The following ANK2 variants were observed in gnomAD, a reference collection of about 807,000 sequenced individuals.
The protein encoded by ANK2 is ankyrin 2.
In ANK2, 83 loss-of-function variants were observed where a neutral mutation model predicts 360.5. That is an observed-to-expected ratio of 0.23 (90% CI 0.19 to 0.28). The LOEUF is 0.28. Among genes scored for constraint, ANK2 ranks in the 10% least tolerant of loss-of-function variants. The probability of loss-of-function intolerance (pLI) is 1.00; values close to 1 mark genes in which losing one functional copy is unlikely to be tolerated. For synonymous variants in ANK2, 1,740 were observed against 1,759.5 expected (o/e 0.99, Z 0.28); for missense variants, 4,201 against 4,795.7 (o/e 0.88, Z 3.66).
At chr4:113,180,472 T>C (rs1315498534) in intron 2 of ANK2, among the ~76,000 whole-genome samples, 1 of 152,182 alleles carries the variant, frequency 6.6e-6, no homozygotes, top group East Asian at 1.9e-4. Context: ...TTAGCAAAAG[T>C]AGCACTGATT....
intron 2 of ANK2, among the ~76,000 whole-genome samples, chr4:113,004,950 C>T (rs972032409): frequency 1.3e-5 from 2 of 152,106 alleles, no homozygotes; most frequent in Non-Finnish European, 2.9e-5. Context: ...TTTTAATAAG[C>T]CGTAAGAGAA....
chr4:112,801,036 G>T, the ANK2 span, among the ~76,000 whole-genome samples: 2 of 152,018 alleles, frequency 1.3e-5, no homozygotes, highest in East Asian at 3.8e-4. Context: ...CTATGGTAAT[G>T]ACAGAATTAT....
At chr4:112,903,311 T>C (rs1414787023) in intron 1 of ANK2, among the ~76,000 whole-genome samples, 4 of 152,192 alleles carry the variant, frequency 2.6e-5, no homozygotes, top group Non-Finnish European at 5.9e-5. Flanking sequence ...AGAGGGATCA[T>C]CTTGGAGAGT....
At chr4:112,890,370 G>C (rs2150634362) in intron 1 of ANK2, among the ~76,000 whole-genome samples, 1 of 152,240 alleles carries the variant, frequency 6.6e-6, no homozygotes, top group Admixed American at 6.5e-5. Flanking sequence ...TCAAGAGCAT[G>C]GTGTGGTTCT....
intron 1 of ANK2, chr4:113,149,116 A>T (rs1698647029): frequency 6.6e-6 from 1 of 152,246 alleles, no homozygotes; most frequent in African/African-American, 2.4e-5. Context: ...AGCAAGAGAA[A>T]AAGAAGGGAG....
chr4:112,817,030 C>G (rs765850915), upstream of ANK2, among the ~76,000 whole-genome samples: 1 of 152,166 alleles, frequency 6.6e-6, no homozygotes, highest in Admixed American at 6.5e-5. Flanking sequence ...GTGAATTCTC[C>G]TCTCTGCTAG....
chr4:113,071,553 C>G (rs1453158872), intron 1 of ANK2, among the ~76,000 whole-genome samples: 1 of 152,126 alleles, frequency 6.6e-6, no homozygotes, highest in Non-Finnish European at 1.5e-5. Context: ...TTATTCTTTC[C>G]TTGATCAGCT....
chr4:113,046,306 G>A (rs909021038), upstream of ANK2, among the ~76,000 whole-genome samples: 98 of 152,208 alleles, frequency 6.4e-4, no homozygotes, highest in African/African-American at 2.2e-3. Flanking sequence ...ATACTGTATA[G>A]CATTTGGGCA....
chr4:112,836,934 C>T (rs931849850), intron 1 of ANK2, among the ~76,000 whole-genome samples: 3 of 152,112 alleles, frequency 2.0e-5, no homozygotes, highest in Non-Finnish European at 2.9e-5. Context: ...AAAGAAAAAC[C>T]CATTTTCTGG....
intron 1 of ANK2, among the ~76,000 whole-genome samples, chr4:113,080,726 G>T (rs2082065281): frequency 6.6e-6 from 1 of 152,176 alleles, no homozygotes; most frequent in Non-Finnish European, 1.5e-5. Flanking sequence ...GTCACCTGTT[G>T]TTTCGTGGAT....
intron 2 of ANK2, among the ~76,000 whole-genome samples, chr4:113,176,937 G>A (rs1034602799): frequency 1.4e-4 from 21 of 152,122 alleles, no homozygotes; most frequent in African/African-American, 4.1e-4. Context: ...AGCTTCATCC[G>A]TGTCCCTACA....
At chr4:113,191,547 C>T (rs113144383) in intron 2 of ANK2, among the ~76,000 whole-genome samples, 10 of 152,246 alleles carry the variant, frequency 6.6e-5, no homozygotes, top group African/African-American at 2.4e-4. Context: ...CCTACGTAAA[C>T]GTATGTTGAA....
At position 113,357,591 on chromosome 4, in the gene ANK2, G is replaced by A. The variant is rs2154028076; in HGVS notation, c.8973G>A (p.Gln2991=). The A allele has an allele frequency of 6.2e-7, 1 of 1,614,098 alleles. No homozygotes were observed. Among genetic ancestry groups the A allele is most frequent in the Non-Finnish European group, 8.5e-7 (1 of 1,179,976 alleles). ...GCAAAGAATCTAATTTTGAGGGCCA[G>A]GACATAAAAATGGAATCCCAACAGG... The part of the protein sequence containing the change: ...VLSKESNFEG[Q]DIKMESQQES... The change falls in exon 38 of 46, where the codon CAG becomes CAA. Residue 2991 remains glutamine (Q), a synonymous_variant. Coordinates refer to ENST00000357077, the MANE Select transcript of ANK2 (RefSeq NM_001148.6).
Position 113,341,913 on chromosome 4 carries a change from G to C in ANK2, c.4119G>C (p.Val1373=), listed in dbSNP as rs767592222. ...CTGAGGTGGCCAGAAGCAGGGATGT[G>C]GAGGTACTGTACCAAAAATAATAAT... The part of the protein sequence containing the change: ...NFAEVARSRD[V]EVLEGKPIYV... Residue 1373 remains valine (V), a synonymous_variant, in exon 33 of 46, where the codon GTG becomes GTC. Coordinates refer to ENST00000357077, the MANE Select transcript of ANK2 (RefSeq NM_001148.6). 1 of 1,606,830 alleles carries C rather than the reference G, an allele frequency of 6.2e-7. No homozygotes were observed. The highest frequency in any genetic ancestry group is 1.1e-5 in the South Asian group (1 of 90,952).
chr4:113,103,645 G>A (rs537652126), intron 1 of ANK2, among the ~76,000 whole-genome samples: 1 of 152,158 alleles, frequency 6.6e-6, no homozygotes, highest in South Asian at 2.1e-4. Context: ...TTTGAAGCAC[G>A]TAAGATCTTT....
the ANK2 span, among the ~76,000 whole-genome samples, chr4:112,792,308 TG>T: frequency 6.6e-6 from 1 of 152,172 alleles, no homozygotes; most frequent in African/African-American, 2.4e-5. Context: ...CCCAAAGTGC[TG>T]GGATTACAGG....
At chr4:112,747,029 CACAGCAGATG>C in the ANK2 span, among the ~76,000 whole-genome samples, 1 of 152,164 alleles carries the variant, frequency 6.6e-6, no homozygotes, top group African/African-American at 2.4e-5. Context: ...GTATCAGACT[CACAGCAGATG>C]ACATTACCTT....
At chr4:113,020,020 G>A (rs1481742367) in intron 2 of ANK2, among the ~76,000 whole-genome samples, 1 of 152,068 alleles carries the variant, frequency 6.6e-6, no homozygotes, top group Non-Finnish European at 1.5e-5. Context: ...TAACTGGTTA[G>A]GCTTTTCAGG....
intron 1 of ANK2, among the ~76,000 whole-genome samples, chr4:112,851,694 G>C (rs1360424565): frequency 1.3e-5 from 2 of 151,604 alleles, no homozygotes; most frequent in Non-Finnish European, 2.9e-5. Flanking sequence ...CATGGTCTCA[G>C]CTCATTGCAA....
Sources: allele counts gnomAD v4.1 joint callset (sites outside exome capture counted in the v4.1 genomes callset), GRCh38; gene constraint gnomAD v4.1.1; transcripts MANE v1.5; gene names NCBI Gene and HGNC (gene_info 2026-07-23, HGNC 2026-07-21).